PDE1C: variants seen among roughly 807,000 people sequenced by gnomAD.
PDE1C encodes the protein phosphodiesterase 1C.
PDE1C carries 62 observed loss-of-function variants against 93.1 expected under a neutral mutation model. The ratio of observed to expected loss-of-function variants is 0.67; its 90% confidence interval spans 0.54 to 0.82. PDE1C has a LOEUF of 0.82. Among genes scored for constraint, PDE1C ranks in the 40% least tolerant of loss-of-function variants. The probability of loss-of-function intolerance (pLI) is 0.00; values close to 1 mark genes in which losing one functional copy is unlikely to be tolerated. For missense variants in PDE1C, 742 were observed against 884.6 expected, an observed-to-expected ratio of 0.84 and a Z score of 2.04; for synonymous variants, 325 against 310.1, an observed-to-expected ratio of 1.05 and a Z score of -0.50.
At chr7:32,174,333 G>T (rs879236900) in intron 2 of PDE1C, among the ~76,000 whole-genome samples, 2 of 152,160 alleles carry the variant, frequency 1.3e-5, no homozygotes, top group Non-Finnish European at 2.9e-5. Context: ...GAATGAGACT[G>T]GTTCCCAAGG....
In PDE1C at chr7:31,879,043, C is replaced by A; in HGVS notation, c.378G>T (p.Arg126=). The part of the protein sequence containing the change: ...MMLRRSDEKP[R]FKSIVHAVQA... Reference sequence around the variant, plus strand: ...GCACTGCGTGAACGATGCTCTTGAACCGGGGCTTCTCGTCGCTCCTCCTGA... The same window carrying A: ...GCACTGCGTGAACGATGCTCTTGAAACGGGGCTTCTCGTCGCTCCTCCTGA... Residue 126 remains arginine (R), a synonymous_variant, in exon 4 of 18, where the codon CGG becomes CGT. Coordinates refer to ENST00000396191, the MANE Select transcript of PDE1C (RefSeq NM_001191057.4). 1.2e-6 allele frequency: 2 copies of A among 1,614,176 alleles called. No individual in the cohort carries two copies. Among genetic ancestry groups the A allele is most frequent in the East Asian group, 2.2e-5 (1 of 44,872 alleles).
chr7:31,627,078 T>C, the PDE1C span, among the ~76,000 whole-genome samples: 148,737 of 152,326 alleles, frequency 0.98, 72,631 homozygotes, highest in East Asian at 0.99. Flanking sequence ...AATTCAAAAG[T>C]ACTCCTAGTG....
chr7:32,009,349 A>G (rs1001734649), intron 2 of PDE1C, among the ~76,000 whole-genome samples: 4 of 152,220 alleles, frequency 2.6e-5, no homozygotes, highest in African/African-American at 9.6e-5. Flanking sequence ...ACAGGACAGC[A>G]TACCAGAGAA....
At position 31,773,282 on chromosome 7, in the gene PDE1C, T is replaced by C. The variant is rs2128626499; in HGVS notation, c.1960+2382A>G. On this transcript the variant is annotated intron_variant, in intron 17 of 17. Transcript: ENST00000396191. Reference sequence around the variant, plus strand: ...CAGAATGCAGAGCCTAAGACACTCCTTTTGGGACCACTTTGGATGGCTAAA... The same window carrying C: ...CAGAATGCAGAGCCTAAGACACTCCCTTTGGGACCACTTTGGATGGCTAAA... 1.3e-5 allele frequency among the ~76,000 whole-genome samples: 2 copies of C among 152,212 alleles called. 1 individual carries two copies. The highest frequency in any genetic ancestry group is 6.8e-3 in the Middle Eastern group (2 of 294).
intron 1 of PDE1C, chr7:32,298,570 C>T: frequency 6.6e-7 from 1 of 1,504,918 alleles, no homozygotes; most frequent in East Asian, 2.5e-5. Flanking sequence ...CTCCCCCTGC[C>T]CGCTTAGAAA....
the PDE1C span, chr7:31,707,055 C>T: frequency 1.3e-4 from 78 of 610,622 alleles, no homozygotes; most frequent in African/African-American, 1.4e-3. Flanking sequence ...CACCCAGCTC[C>T]TTCTCTGGGT....
the PDE1C span, among the ~76,000 whole-genome samples, chr7:31,649,044 G>A: frequency 2.0e-5 from 3 of 152,174 alleles, no homozygotes; most frequent in East Asian, 5.8e-4. Flanking sequence ...GATTCCCTAA[G>A]TGTTTCAAAT....
chr7:31,693,029 A>C, the PDE1C span, among the ~76,000 whole-genome samples: 3 of 148,216 alleles, frequency 2.0e-5, no homozygotes, highest in African/African-American at 7.5e-5. Context: ...AATACCAGAA[A>C]CATTTCTGCC....
chr7:31,943,321 T>C (rs1034535656), intron 2 of PDE1C, among the ~76,000 whole-genome samples: 2 of 152,104 alleles, frequency 1.3e-5, no homozygotes, highest in Non-Finnish European at 2.9e-5. Context: ...TCAGAACACA[T>C]GAGATTGGCC....
intron 2 of PDE1C, among the ~76,000 whole-genome samples, chr7:31,965,119 A>G (rs1809698252): frequency 6.6e-6 from 1 of 152,234 alleles, no homozygotes; most frequent in African/African-American, 2.4e-5. Flanking sequence ...AATGACTTTG[A>G]CGAGTTGAGA....
the PDE1C span, among the ~76,000 whole-genome samples, chr7:31,637,569 C>T: frequency 5.9e-4 from 90 of 152,268 alleles, no homozygotes; most frequent in African/African-American, 1.9e-3. Flanking sequence ...CCTTTACCCA[C>T]TTTTTGATGG....
intron 1 of PDE1C, among the ~76,000 whole-genome samples, chr7:32,245,199 G>A (rs1192855713): frequency 1.3e-5 from 2 of 152,098 alleles, no homozygotes; most frequent in Non-Finnish European, 2.9e-5. Flanking sequence ...ACTTCTCATT[G>A]TAACTAAATA....
At chr7:32,219,765 C>CT (rs906529439) in intron 1 of PDE1C, among the ~76,000 whole-genome samples, 1 of 152,218 alleles carries the variant, frequency 6.6e-6, no homozygotes, top group African/African-American at 2.4e-5. Flanking sequence ...AAGCCAATCA[C>CT]TAGCAGTTAA....
At chr7:32,425,147 T>G (rs6462363) in intron 1 of PDE1C, among the ~76,000 whole-genome samples, 27,169 of 151,632 alleles carry the variant, frequency 0.18, 2,549 homozygotes, top group East Asian at 0.3. Flanking sequence ...TATATATTCA[T>G]CTTGGCTTAT....
intron 3 of PDE1C, among the ~76,000 whole-genome samples, chr7:32,136,334 TTTTA>T (rs1011261828): frequency 5.3e-5 from 8 of 150,648 alleles, no homozygotes; most frequent in Admixed American, 2.0e-4. Flanking sequence ...ATTAATGCAT[TTTTA>T]TTTATTTATT....
the PDE1C span, among the ~76,000 whole-genome samples, chr7:31,647,694 AAG>A: frequency 1.6e-5 from 1 of 63,418 alleles, no homozygotes; most frequent in Non-Finnish European, 3.9e-5. Context: ...AAAAAAAAAA[AAG>A]AAGAGGAAGA....
intron 2 of PDE1C, among the ~76,000 whole-genome samples, chr7:31,892,586 A>G (rs1583823056): frequency 6.6e-6 from 1 of 152,192 alleles, no homozygotes; most frequent in Admixed American, 6.5e-5. Flanking sequence ...CAGGCTGGCC[A>G]TGAAGGGGTT....
At chr7:32,387,797 G>A (rs868595508) in intron 1 of PDE1C, among the ~76,000 whole-genome samples, 7 of 139,434 alleles carry the variant, frequency 5.0e-5, no homozygotes, top group African/African-American at 8.4e-5. Flanking sequence ...GCGGCTGGCC[G>A]GGCGGGGGGC....
At chr7:32,247,703 T>C (rs181067097) in intron 1 of PDE1C, among the ~76,000 whole-genome samples, 50 of 152,318 alleles carry the variant, frequency 3.3e-4, no homozygotes, top group Non-Finnish European at 5.0e-4. Context: ...CTCAACACTG[T>C]TTTATAAAAT....
Sources: gnomAD v4.1 joint callset for allele counts (sites outside exome capture counted in the v4.1 genomes callset) on GRCh38, gnomAD v4.1.1 for gene constraint, MANE v1.5 for transcripts, NCBI Gene and HGNC (gene_info 2026-07-23, HGNC 2026-07-21) for gene names.